The following PHKA2 variants were observed in gnomAD, a reference collection of about 807,000 sequenced individuals.
PHKA2 encodes the protein phosphorylase b kinase regulatory subunit alpha, liver isoform.
In PHKA2, 31 loss-of-function variants were observed where a neutral mutation model predicts 102.0. That is an observed-to-expected ratio of 0.30 (90% confidence interval 0.23 to 0.41). The LOEUF (loss-of-function observed/expected upper bound fraction) is 0.41. Ranked by LOEUF, PHKA2 falls within the 10% of genes least tolerant of loss-of-function variation. The pLI, the probability that PHKA2 is intolerant of heterozygous loss-of-function variation, is 1.00. For missense variants in PHKA2, 858 were observed against 1,023.1 expected, an observed-to-expected ratio of 0.84 and a Z score of 2.20; for synonymous variants, 455 against 416.2, an observed-to-expected ratio of 1.09 and a Z score of -1.13.
intron 30 of PHKA2, chrX:18,895,448 G>A (rs183528217): frequency 0.012 from 4,744 of 401,628 alleles, 27 homozygotes; most frequent in Non-Finnish European, 0.017. Flanking sequence ...GGGGGCTGCC[G>A]AGTCCTCCCG....
intron 1 of PHKA2, among the ~76,000 whole-genome samples, chrX:18,966,636 C>A (rs2048949277): frequency 8.9e-6 from 1 of 112,305 alleles, no homozygotes; most frequent in South Asian, 3.6e-4. Flanking sequence ...CCAAAAAGAG[C>A]TGAAGTAGGA....
chrX:18,893,343 G>A lies in PHKA2; in HGVS notation c.*142C>T, dbSNP rs894380741. 5.0e-6 allele frequency: 3 copies of A among 602,241 alleles called. No individual in the cohort carries two copies. The highest frequency in any genetic ancestry group is 2.2e-5 in the African/African-American group (1 of 45,067). The allele number at this position is 602,241 out of a possible 1,213,427, so 49.6% of individuals were successfully genotyped here. A position where few individuals can be genotyped will look rare whatever the true frequency, so the allele number is the denominator to read the frequency against. Reference sequence around the variant, plus strand: ...TTAACATACATCAGTTTCAGGGTGAGTGCTACCATTGCCCCCCGAGAGTGT... The same window carrying A: ...TTAACATACATCAGTTTCAGGGTGAATGCTACCATTGCCCCCCGAGAGTGT... On this transcript the variant is annotated 3_prime_UTR_variant, in exon 33 of 33. Transcript: ENST00000379942.
rs371434486 is a variant in PHKA2 at position 18,907,131 on chromosome X, C to A, written c.2518-34G>T. ...TTAAGGGGAAGGGTGAGAGGCAGAGCGCGAGAGAGATACTGGCAAAGACGA... is the reference window on the plus strand; with the variant it reads ...TTAAGGGGAAGGGTGAGAGGCAGAGAGCGAGAGAGATACTGGCAAAGACGA... On this transcript the variant is annotated intron_variant, in intron 22 of 32. Transcript: ENST00000379942. 4 of 1,041,250 alleles carry A rather than the reference C, an allele frequency of 3.8e-6. 1 individual carries two copies. Among genetic ancestry groups the A allele is most frequent in the East Asian group, 6.5e-5 (2 of 30,720 alleles). 85.8% of individuals were successfully genotyped at this position (1,041,250 alleles called of 1,213,427 possible). A position where few individuals can be genotyped will look rare whatever the true frequency, so the allele number is the denominator to read the frequency against.
chrX:18,963,305 G>A (rs996054105), intron 1 of PHKA2, among the ~76,000 whole-genome samples: 4 of 112,272 alleles, frequency 3.6e-5, no homozygotes, highest in Non-Finnish European at 5.6e-5. Context: ...TGAGAGCCAC[G>A]CTAAGTCAGT....
At chrX:18,894,680 C>CTCTTTCCTCTTCAT in intron 31 of PHKA2, 1 of 422,960 alleles carries the variant, frequency 2.4e-6, no homozygotes, top group Admixed American at 4.1e-5. Context: ...TTTCTGGTTT[C>CTCTTTCCTCTTCAT]TCTTTCCTCT....
At chrX:18,979,070 A>G (rs1422113835) in intron 1 of PHKA2, among the ~76,000 whole-genome samples, 2 of 111,653 alleles carry the variant, frequency 1.8e-5, no homozygotes, top group Non-Finnish European at 3.8e-5. Context: ...CAGGAGGTGG[A>G]GGCTGCAGTG....
chrX:18,982,053 T>C (rs1303921086), intron 1 of PHKA2, among the ~76,000 whole-genome samples: 1 of 111,650 alleles, frequency 9.0e-6, no homozygotes, highest in Non-Finnish European at 1.9e-5. Context: ...CAACTTGGAT[T>C]TTAAAACACT....
At chrX:18,906,985 G>A (rs776307555) in intron 23 of PHKA2, 33 bp downstream of exon 23, 1 of 1,147,408 alleles carries the variant, frequency 8.7e-7, no homozygotes, top group Non-Finnish European at 1.2e-6. Flanking sequence ...TGGCTCCCCC[G>A]CAAACCTGAG....
intron 17 of PHKA2, among the ~76,000 whole-genome samples, chrX:18,921,223 A>C (rs998138431): frequency 3.6e-5 from 4 of 111,543 alleles, no homozygotes; most frequent in African/African-American, 1.3e-4. Context: ...TGAGCTCAGG[A>C]GTTTGAGACC....
intron 22 of PHKA2, 134 bp downstream of exon 22, chrX:18,907,766 G>C: frequency 1.5e-6 from 1 of 666,855 alleles, no homozygotes; most frequent in Non-Finnish European, 2.4e-6. Context: ...CAGGAGAGAA[G>C]GGCCCGCTCC....
chrX:18,930,269 C>T (rs1203220045), intron 12 of PHKA2, among the ~76,000 whole-genome samples: 1 of 111,809 alleles, frequency 8.9e-6, no homozygotes, highest in Non-Finnish European at 1.9e-5. Flanking sequence ...CACCACTGTA[C>T]AGGTGGGGAA....
chrX:18,969,823 G>A (rs1246211890), intron 1 of PHKA2, among the ~76,000 whole-genome samples: 1 of 112,399 alleles, frequency 8.9e-6, no homozygotes, highest in African/African-American at 3.2e-5. Flanking sequence ...TACAAGAAAA[G>A]TATGTGTCCA....
intron 1 of PHKA2, among the ~76,000 whole-genome samples, chrX:18,980,518 T>C (rs2049156031): frequency 8.9e-6 from 1 of 112,759 alleles, no homozygotes; most frequent in African/African-American, 3.2e-5. Context: ...AAAGCATAAA[T>C]CTAGCCTACG....
intron 26 of PHKA2, among the ~76,000 whole-genome samples, chrX:18,905,038 A>T: frequency 8.9e-6 from 1 of 111,882 alleles, no homozygotes; most frequent in Non-Finnish European, 1.9e-5. Flanking sequence ...CTGAGGTCAC[A>T]GAGGGGTCTC....
At chrX:18,894,869 C>T (rs2047506239) in intron 31 of PHKA2, 1 of 423,183 alleles carries the variant, frequency 2.4e-6, no homozygotes, top group Non-Finnish European at 4.1e-6. Context: ...TCCTTTCTTT[C>T]ACCAGGGTTC....
intron 14 of PHKA2, 68 bp downstream of exon 14, chrX:18,926,385 T>A: frequency 1.1e-6 from 1 of 903,973 alleles, no homozygotes. Context: ...ACAGTCTCCC[T>A]CAGACCCCAA....
intron 26 of PHKA2, among the ~76,000 whole-genome samples, chrX:18,903,376 G>A (rs1021646695): frequency 5.3e-5 from 6 of 112,330 alleles, no homozygotes; most frequent in East Asian, 5.6e-4. Flanking sequence ...CCCCAGTCCC[G>A]TGTGACTCTC....
At chrX:18,907,275 C>T (rs1039749838) in intron 22 of PHKA2, among the ~76,000 whole-genome samples, 178 bp from the exon 23 acceptor site, 1 of 112,120 alleles carries the variant, frequency 8.9e-6, no homozygotes, top group East Asian at 2.8e-4. Flanking sequence ...ACTAAGCAAC[C>T]CAGACAGGGA....
In PHKA2 at chrX:18,910,974, G is replaced by C. The variant is rs764938628; in HGVS notation, c.2138-14C>G. On this transcript the variant is annotated splice_polypyrimidine_tract_variant and intron_variant, in intron 19 of 32. Transcript: ENST00000379942. ...TCATGGGAACAACTGGAAAACAAAAGAATAAAGAGAGTTATTCTGAGGAGG... is the reference window on the plus strand; with the variant it reads ...TCATGGGAACAACTGGAAAACAAAACAATAAAGAGAGTTATTCTGAGGAGG... 9.4e-7 allele frequency: 1 copy of C among 1,067,032 alleles called. No homozygotes were observed. The highest frequency in any genetic ancestry group is 1.3e-6 in the Non-Finnish European group (1 of 777,094). The allele number at this position is 1,067,032 out of a possible 1,213,427, so 87.9% of individuals were successfully genotyped here. A position where few individuals can be genotyped will look rare whatever the true frequency, so the allele number is the denominator to read the frequency against.
Sources: gnomAD v4.1 joint callset for allele counts (sites outside exome capture counted in the v4.1 genomes callset) on GRCh38, gnomAD v4.1.1 for gene constraint, MANE v1.5 for transcripts, NCBI Gene and HGNC (gene_info 2026-07-23, HGNC 2026-07-21) for gene names.